The following PDE2A variants were observed in gnomAD, a reference collection of about 807,000 sequenced individuals.
PDE2A encodes the protein phosphodiesterase 2A, also known as cGMP-dependent 3',5'-cyclic phosphodiesterase.
Under a neutral mutation model 133.6 loss-of-function variants are expected in PDE2A, and 53 were observed. The observed-to-expected ratio is 0.40, with a 90% confidence interval of 0.32 to 0.50. The LOEUF is 0.50. PDE2A is among the 20% of genes least tolerant of loss of function. The pLI, the probability that PDE2A is intolerant of heterozygous loss-of-function variation, is 0.73. For missense variants in PDE2A, 796 were observed against 1,232.4 expected (o/e 0.65, Z 5.30); for synonymous variants, 491 against 490.2 (o/e 1.00, Z -0.02).
At chr11:72,583,701 G>A in intron 19 of PDE2A, 186 bp from the exon 20 acceptor site, 1 of 593,536 alleles carries the variant, frequency 1.7e-6, no homozygotes, top group Non-Finnish European at 3.0e-6. Flanking sequence ...CCCCGCGCCG[G>A]TTCCTCCTCA....
intron 6 of PDE2A, among the ~76,000 whole-genome samples, chr11:72,594,910 C>T (rs182208110): frequency 2.0e-5 from 3 of 152,162 alleles, no homozygotes; most frequent in African/African-American, 7.2e-5. Flanking sequence ...GTGTCCCTGC[C>T]TTCCCCCAGA....
At chr11:72,582,349 C>G (rs763708208) in intron 21 of PDE2A, 95 bp downstream of exon 21, 173 of 1,263,408 alleles carry the variant, frequency 1.4e-4, no homozygotes, top group Non-Finnish European at 1.9e-4. Context: ...TCCTTGATGA[C>G]TCTGTCTTCC....
At chr11:72,589,590 T>C (rs980935316) in intron 11 of PDE2A, among the ~76,000 whole-genome samples, 161 bp downstream of exon 11, 2 of 152,162 alleles carry the variant, frequency 1.3e-5, no homozygotes, top group Non-Finnish European at 1.5e-5. Context: ...TGATCACAGG[T>C]TGTGATCCCT....
chr11:72,672,527 C>G (rs12796885), intron 1 of PDE2A, among the ~76,000 whole-genome samples: 3,477 of 152,214 alleles, frequency 0.023, 64 homozygotes, highest in Middle Eastern at 0.048. Context: ...ATGTCTCTCC[C>G]CTATATAAAA....
intron 6 of PDE2A, 105 bp from the exon 7 acceptor site, chr11:72,591,461 C>T: frequency 1.2e-6 from 1 of 807,240 alleles, no homozygotes; most frequent in Non-Finnish European, 2.2e-6. Flanking sequence ...CCAACACATA[C>T]ACACTCCAGT....
chr11:72,665,701 T>G (rs1855214651), intron 1 of PDE2A, among the ~76,000 whole-genome samples: 1 of 152,104 alleles, frequency 6.6e-6, no homozygotes, highest in Non-Finnish European at 1.5e-5. Context: ...GTCCAGCCCC[T>G]GCTCATGCCT....
chr11:72,647,717 G>A (rs541828607), intron 1 of PDE2A, among the ~76,000 whole-genome samples: 1 of 152,338 alleles, frequency 6.6e-6, no homozygotes, highest in East Asian at 1.9e-4. Flanking sequence ...TCCAGCCCTG[G>A]AGTGGGCACA....
intron 4 of PDE2A, among the ~76,000 whole-genome samples, chr11:72,604,558 C>G (rs1856892052): frequency 6.6e-6 from 1 of 152,220 alleles, no homozygotes; most frequent in African/African-American, 2.4e-5. Context: ...CCCCACAATC[C>G]TATAAGCACC....
At position 72,597,714 on chromosome 11, in the gene PDE2A, G is replaced by A; in HGVS notation, c.324-95C>T. On this transcript the variant is annotated intron_variant, in intron 4 of 30. Transcript: ENST00000334456. This position sits in a 1 kb window ranked among gnomAD's most constrained non-coding sequence, Gnocchi z 4.6. ...ACAGGACAGTTTGGACCCTGCACATGTGCAAGGATCTGGGCAAGCTGACCT... is the reference window on the plus strand; with the variant it reads ...ACAGGACAGTTTGGACCCTGCACATATGCAAGGATCTGGGCAAGCTGACCT... 1.3e-6 allele frequency: 1 copy of A among 791,498 alleles called. No individual in the cohort carries two copies. The highest frequency in any genetic ancestry group is 2.1e-6 in the Non-Finnish European group (1 of 479,152). 49.0% of individuals were successfully genotyped at this position (791,498 alleles called of 1,614,324 possible). A position where few individuals can be genotyped will look rare whatever the true frequency, so the allele number is the denominator to read the frequency against.
chr11:72,584,166 A>T (rs1405104858), intron 19 of PDE2A, 35 bp downstream of exon 19: 3 of 777,826 alleles, frequency 3.9e-6, no homozygotes, highest in South Asian at 1.7e-5. Flanking sequence ...CCCGCCCCCT[A>T]TCACCCCACA....
rs1446553657 is a variant in PDE2A, at chr11:72,590,365, C to A, written c.703+62G>T. The A allele has an allele frequency of 6.5e-7, 1 of 1,548,376 alleles. No homozygotes were observed. Among genetic ancestry groups the A allele is most frequent in the Non-Finnish European group, 8.7e-7 (1 of 1,143,804 alleles). On this transcript the variant is annotated intron_variant, in intron 8 of 30. Coordinates refer to ENST00000334456, the MANE Select transcript of PDE2A (RefSeq NM_002599.5). The surrounding 1 kb of genome is among the most constrained non-coding windows in gnomAD (Gnocchi z 4.8). ...CGGCTCCCGGGATCGCCTAACCCGC[C>A]CACCTCCCCTCCAAGTTCTGCCCGG...
chr11:72,609,816 C>T (rs907684933), intron 2 of PDE2A, among the ~76,000 whole-genome samples: 2 of 151,750 alleles, frequency 1.3e-5, no homozygotes. Context: ...ATGAAGGAGA[C>T]ATGGCTGGGT....
chr11:72,626,608 G>C (rs1032815665), intron 2 of PDE2A, among the ~76,000 whole-genome samples: 5 of 152,256 alleles, frequency 3.3e-5, no homozygotes, highest in South Asian at 2.1e-4. Flanking sequence ...AGCTATGCTC[G>C]TATACTCGGA....
intron 2 of PDE2A, among the ~76,000 whole-genome samples, chr11:72,612,717 A>ATGGGTGGC (rs1219269652): frequency 8.4e-6 from 1 of 119,086 alleles, no homozygotes; most frequent in Non-Finnish European, 1.7e-5. Context: ...GGATAGGTAG[A>ATGGGTGGC]TGGGTGGCTG....
intron 25 of PDE2A, among the ~76,000 whole-genome samples, chr11:72,580,095 C>G (rs557441850): frequency 2.6e-4 from 40 of 152,064 alleles, no homozygotes; most frequent in Non-Finnish European, 5.3e-4. Context: ...GACAGAGAAC[C>G]TCGTCTCTGG....
chr11:72,579,546 A>G lies in PDE2A; in HGVS notation c.2244T>C (p.His748=). The part of the protein sequence containing the change: ...LNTHGCNIFD[H]FSRKDYQRML... ...CCAACCCCATCACCTTCCGGGAGAA[A>G]TGATCAAAGATGTTGCAGCCGTGGG... Residue 748 remains histidine (H), a synonymous_variant, in exon 26 of 31, where the codon CAT becomes CAC. Coordinates refer to ENST00000334456, the MANE Select transcript of PDE2A (RefSeq NM_002599.5). 6.2e-7 allele frequency: 1 copy of G among 1,610,422 alleles called. No homozygotes were observed. The highest frequency in any genetic ancestry group is 8.5e-7 in the Non-Finnish European group (1 of 1,177,946).
At chr11:72,600,197 G>A (rs1856678204) in intron 4 of PDE2A, among the ~76,000 whole-genome samples, 4 of 152,258 alleles carry the variant, frequency 2.6e-5, no homozygotes, top group South Asian at 2.1e-4. Flanking sequence ...GAGCAGGGAC[G>A]GTAATGGTCA....
At chr11:72,634,186 G>A (rs1858563795) in intron 2 of PDE2A, among the ~76,000 whole-genome samples, 2 of 152,132 alleles carry the variant, frequency 1.3e-5, no homozygotes, top group South Asian at 4.1e-4. Flanking sequence ...GAAGCGGGTG[G>A]CAGAGTCACG....
intron 12 of PDE2A, 77 bp downstream of exon 12, chr11:72,589,098 G>T: frequency 1.5e-6 from 2 of 1,377,078 alleles, no homozygotes; most frequent in Non-Finnish European, 2.1e-6. Flanking sequence ...AGGCTGCTCT[G>T]TAACAGAGAC....
Sources: gnomAD v4.1 joint callset for allele counts (sites outside exome capture counted in the v4.1 genomes callset) on GRCh38, gnomAD v4.1.1 for gene constraint, Gnocchi (gnomAD v3.1) non-coding constraint, MANE v1.5 for transcripts, NCBI Gene and HGNC (gene_info 2026-07-23, HGNC 2026-07-21) for gene names.